UBP1: variants seen among roughly 807,000 people sequenced by gnomAD.
UBP1 encodes upstream-binding protein 1.
A neutral mutation model predicts 76.1 loss-of-function variants in UBP1; 22 were observed. The ratio of observed to expected loss-of-function variants is 0.29; its 90% CI spans 0.21 to 0.41. The LOEUF (loss-of-function observed/expected upper bound fraction) is 0.41, where lower values mean the gene tolerates loss of function less well. UBP1 is among the 10% of genes least tolerant of loss of function. The probability of loss-of-function intolerance (pLI) is 1.00; values close to 1 mark genes in which losing one functional copy is unlikely to be tolerated. For synonymous variants in UBP1, 224 were observed against 237.1 expected (o/e 0.94, Z 0.51); for missense variants, 436 against 668.1 (o/e 0.65, Z 3.83).
At position 33,393,322 on chromosome 3, in the gene UBP1, A is replaced by T; in HGVS notation, c.1523T>A (p.Val508Asp). 6.2e-7 allele frequency: 1 copy of T among 1,606,234 alleles called. No individual in the cohort carries two copies. Among genetic ancestry groups the T allele is most frequent in the Non-Finnish European group, 8.5e-7 (1 of 1,177,374 alleles). Residue 508 changes from valine (V) to aspartate (D), a missense_variant, in exon 14 of 16, where the codon GTT (valine) becomes GAT (aspartate). By Grantham distance (152) the Val-to-Asp change is radical. Around this residue, in one of 3 missense-constraint regions of UBP1, gnomAD observed 210 missense variants for 272.8 expected, o/e 0.77. Transcript: ENST00000283629. ...RQGPTGIHIL[V>D]SDQMVQNFQD... ...AATGATTTGATTTACCTGATCACTAACAAGAATGTGAATACCGGTGGGACC... is the reference window on the plus strand; with the variant it reads ...AATGATTTGATTTACCTGATCACTATCAAGAATGTGAATACCGGTGGGACC...
Position 33,397,060 on chromosome 3 carries a change from T to G in UBP1, c.1256A>C (p.Asn419Thr). 9 of 1,597,208 alleles carry G rather than the reference T, an allele frequency of 5.6e-6. No homozygotes were observed. Among genetic ancestry groups the G allele is most frequent in the Non-Finnish European group, 7.7e-6 (9 of 1,173,478 alleles). ...AGTATTTTACCTTGACTTCAGTGAA[T>G]TATAGAGCCGAATTCCATCGGCTGC... ...CGAADGIRLY[N>T]SLKSRSVRPR... Residue 419 changes from asparagine to threonine, a missense_variant, in exon 12 of 16, where the codon AAT (asparagine) becomes ACT (threonine). By Grantham distance (65) the Asn-to-Thr change is moderately conservative. Coordinates refer to ENST00000283629, the MANE Select transcript of UBP1 (RefSeq NM_014517.5).
At chr3:33,411,089 A>C (rs1401572314) in intron 5 of UBP1, among the ~76,000 whole-genome samples, 4 of 151,876 alleles carry the variant, frequency 2.6e-5, no homozygotes, top group African/African-American at 9.7e-5. Flanking sequence ...AAAAAAAAAA[A>C]AGTGCTCCAA....
At chr3:33,418,954 A>G (rs1218016814) in intron 2 of UBP1, among the ~76,000 whole-genome samples, 3 of 152,202 alleles carry the variant, frequency 2.0e-5, no homozygotes, top group Admixed American at 2.0e-4. Context: ...GGGTTCACAA[A>G]AGGAAATGCC....
intron 8 of UBP1, among the ~76,000 whole-genome samples, chr3:33,408,025 G>A (rs550785444): frequency 1.3e-4 from 20 of 152,260 alleles, no homozygotes; most frequent in African/African-American, 3.9e-4. Context: ...TATTGGGGGC[G>A]GCCCAGGTCT....
intron 11 of UBP1, 21 bp downstream of exon 11, chr3:33,400,168 T>TAC (rs774106895): frequency 5.5e-6 from 8 of 1,444,194 alleles, no homozygotes; most frequent in South Asian, 2.8e-5. Flanking sequence ...CATGCACAGA[T>TAC]ACACACACAC....
At chr3:33,437,442 G>C (rs1008985364) in intron 1 of UBP1, among the ~76,000 whole-genome samples, 7 of 152,214 alleles carry the variant, frequency 4.6e-5, no homozygotes, top group African/African-American at 1.2e-4. Context: ...ACCACTGACA[G>C]AAGCCATTTC....
Position 33,390,002 on chromosome 3 carries a change from G to T in UBP1, c.*329C>A, listed in dbSNP as rs537310807. 4 of 278,048 alleles carry T rather than the reference G, an allele frequency of 1.4e-5. No homozygotes were observed. In the East Asian group the frequency reaches 2.5e-4, roughly 17 times the overall value. The allele number at this position is 278,048 out of a possible 1,614,324, so 17.2% of individuals were successfully genotyped here. A position where few individuals can be genotyped will look rare whatever the true frequency, so the allele number is the denominator to read the frequency against. On this transcript the variant is annotated 3_prime_UTR_variant, in exon 16 of 16. Coordinates refer to ENST00000283629, the MANE Select transcript of UBP1 (RefSeq NM_014517.5). ...AAGTTTCTACATTCATTTCCAAACC[G>T]CATACAGTGTAAAAAGACAGCAAAG...
chr3:33,420,164 T>C (rs1039022953), intron 2 of UBP1, among the ~76,000 whole-genome samples: 1 of 152,192 alleles, frequency 6.6e-6, no homozygotes, highest in African/African-American at 2.4e-5. Flanking sequence ...TAAAGTCCTA[T>C]TCCTATCATG....
rs765755048 is a variant in UBP1, at chr3:33,425,641, T to C, written c.214A>G (p.Thr72Ala). The C allele has an allele frequency of 6.3e-7, 1 of 1,599,876 alleles. No homozygotes were observed. Residue 72 changes from threonine (T) to alanine (A), a missense_variant, in exon 2 of 16, where the codon ACG becomes GCG. By Grantham distance (58) the Thr-to-Ala change is moderately conservative (BLOSUM62 0). Transcript: ENST00000283629. ...PPFQYVMCAA[T>A]SPAVKLHDET... ...TCATGCAGTTTTACTGCTGGTGACG[T>C]TGCAGCACACATCACATACTGAAAG...
chr3:33,434,350 G>A (rs989665314), intron 1 of UBP1, among the ~76,000 whole-genome samples: 1 of 140,354 alleles, frequency 7.1e-6, no homozygotes, highest in Non-Finnish European at 1.5e-5. Context: ...CCAGGCTGGA[G>A]TGCAGTGGAG....
chr3:33,439,593 C>G, intron 1 of UBP1, 143 bp downstream of exon 1: 1 of 878,880 alleles, frequency 1.1e-6, no homozygotes, highest in Non-Finnish European at 1.7e-6. Context: ...CCATGGCCCC[C>G]GACCGCCACG....
chr3:33,430,713 G>C (rs1286317419), intron 1 of UBP1, among the ~76,000 whole-genome samples: 1 of 152,160 alleles, frequency 6.6e-6, no homozygotes, highest in Non-Finnish European at 1.5e-5. Context: ...AGCGGGAAAG[G>C]GAAAAGCCAG....
intron 8 of UBP1, among the ~76,000 whole-genome samples, chr3:33,406,563 A>G (rs1370825166): frequency 6.6e-6 from 1 of 152,258 alleles, no homozygotes; most frequent in Non-Finnish European, 1.5e-5. Flanking sequence ...GAAGCCATCA[A>G]AAAGCTTCAA....
chr3:33,402,729 A>G (rs1001020363), intron 9 of UBP1, 72 bp downstream of exon 9: 2 of 1,134,284 alleles, frequency 1.8e-6, no homozygotes, highest in South Asian at 1.7e-5. Context: ...GCTGCTGTAC[A>G]TGGAGAGATG....
At chr3:33,431,492 C>A (rs1037275051) in intron 1 of UBP1, among the ~76,000 whole-genome samples, 2 of 152,112 alleles carry the variant, frequency 1.3e-5, no homozygotes, top group Admixed American at 6.6e-5. Flanking sequence ...AATCCCAGCA[C>A]TTTGGGAGAC....
Position 33,390,191 on chromosome 3 carries a change from C to T in UBP1, c.*140G>A. 1.2e-6 allele frequency: 1 copy of T among 809,776 alleles called. No individual in the cohort carries two copies. The allele number at this position is 809,776 out of a possible 1,614,324, so 50.2% of individuals were successfully genotyped here. On this transcript the variant is annotated 3_prime_UTR_variant, in exon 16 of 16. Transcript: ENST00000283629. ...GAGGAGATTCACCTCTCATACAGCT[C>T]ATTAGAAAGGTCATCTTGTGTTTTC...
chr3:33,415,518 C>T (rs909002789), intron 3 of UBP1, among the ~76,000 whole-genome samples: 2 of 152,018 alleles, frequency 1.3e-5, no homozygotes, highest in African/African-American at 4.8e-5. Flanking sequence ...ATGATATATA[C>T]CAGATATATT....
rs575136707 is a variant in UBP1 at position 33,393,000 on chromosome 3, G to T, written c.1533+312C>A. 1.9e-4 allele frequency: 61 copies of T among 329,288 alleles called. 2 individuals carry two copies. The highest frequency in any genetic ancestry group is 1.6e-3 in the Admixed American group (34 of 20,894). The allele number at this position is 329,288 out of a possible 1,614,324, so 20.4% of individuals were successfully genotyped here. The stretch of plus-strand genomic sequence containing the variant: ...TTAGTCATCAAATAATAGACAAAAG[G>T]AAAACACATCCAGTGACTCACCTCA... On this transcript the variant is annotated intron_variant, in intron 14 of 15. Coordinates refer to ENST00000283629, the MANE Select transcript of UBP1 (RefSeq NM_014517.5).
chr3:33,430,737 C>T (rs1350521227), intron 1 of UBP1, among the ~76,000 whole-genome samples: 2 of 152,174 alleles, frequency 1.3e-5, no homozygotes, highest in Non-Finnish European at 1.5e-5. Context: ...CAAAAACAGG[C>T]AACCACACGG....
Sources: gnomAD v4.1 joint callset for allele counts (sites outside exome capture counted in the v4.1 genomes callset) on GRCh38, gnomAD v4.1.1 for gene constraint, gnomAD v4.1.1 regional missense constraint, MANE v1.5 for transcripts, NCBI Gene and HGNC (gene_info 2026-07-23, HGNC 2026-07-21) for gene names.